The following EIF2B3 variants were observed in gnomAD, a reference collection of about 807,000 sequenced individuals.
EIF2B3 encodes the protein translation initiation factor eIF2B subunit gamma.
A neutral mutation model predicts 54.1 loss-of-function variants in EIF2B3; 20 were observed. The observed-to-expected ratio is 0.37, with a 90% CI of 0.26 to 0.54. EIF2B3 has a LOEUF of 0.54. Ranked by LOEUF, EIF2B3 falls within the 20% of genes least tolerant of loss-of-function variation. The probability of loss-of-function intolerance (pLI) is 0.86; values close to 1 mark genes in which losing one functional copy is unlikely to be tolerated. For missense variants in EIF2B3, 448 were observed against 547.8 expected, an observed-to-expected ratio of 0.82 and a Z score of 1.82; for synonymous variants, 153 against 188.1, an observed-to-expected ratio of 0.81 and a Z score of 1.52.
At chr1:44,941,922 T>A (rs1171902144) in intron 3 of EIF2B3, among the ~76,000 whole-genome samples, 8 of 152,152 alleles carry the variant, frequency 5.3e-5, no homozygotes, top group Admixed American at 5.2e-4. Flanking sequence ...GAACCCTAGG[T>A]TCTAAGAAAC....
At chr1:44,948,866 T>G (rs1644131883) in intron 3 of EIF2B3, among the ~76,000 whole-genome samples, 1 of 104,958 alleles carries the variant, frequency 9.5e-6, no homozygotes, top group Non-Finnish European at 2.2e-5. Context: ...TTTCTTTTCT[T>G]TTTTTTTGAG....
intron 5 of EIF2B3, among the ~76,000 whole-genome samples, chr1:44,911,826 T>A (rs1443977087): frequency 1.3e-5 from 2 of 151,310 alleles, no homozygotes; most frequent in African/African-American, 2.4e-5. Context: ...CATCTAGCAT[T>A]AGGTATATCT....
chr1:44,968,881 A>G (rs1230799565), intron 3 of EIF2B3, among the ~76,000 whole-genome samples: 1 of 138,454 alleles, frequency 7.2e-6, no homozygotes, highest in Non-Finnish European at 1.5e-5. Flanking sequence ...AGGTGACAAG[A>G]GCAAAACTCC....
Position 44,984,675 on chromosome 1 carries a change from C to T in EIF2B3, c.-10+1818G>A, listed in dbSNP as rs568984098. Reference sequence around the variant, plus strand: ...TAGCTGTGTGAACTAGGGCAAACTACGTAAATTTTCTATGCCTCAATTTTT... The same window carrying T: ...TAGCTGTGTGAACTAGGGCAAACTATGTAAATTTTCTATGCCTCAATTTTT... On this transcript the variant is annotated intron_variant, in intron 1 of 11. Coordinates refer to ENST00000360403, the MANE Select transcript of EIF2B3 (RefSeq NM_020365.5). 3.6e-4 allele frequency among the ~76,000 whole-genome samples: 54 copies of T among 151,828 alleles called. 1 individual carries two copies. Among genetic ancestry groups the T allele is most frequent in the Admixed American group, 2.4e-3 (36 of 15,208 alleles).
intron 11 of EIF2B3, 64 bp from the exon 12 acceptor site, chr1:44,851,067 T>G: frequency 6.6e-7 from 1 of 1,524,490 alleles, no homozygotes; most frequent in African/African-American, 1.4e-5. Flanking sequence ...CAAACCCAAC[T>G]GCTTTTTTTT....
In EIF2B3 at chr1:44,955,669, GAAA is replaced by G. The variant is rs573054929; in HGVS notation, c.295-14007_295-14005del. Among the ~76,000 whole-genome samples the G allele has an allele frequency of 4.7e-5, 7 of 150,270 alleles. No individual in the cohort carries two copies. In the East Asian group the frequency reaches 1.2e-3, roughly 25 times the overall value. ...ACAAGGAACTTAAACAAATTTATAA[GAAA>G]AAAAAACCCCATCAAAAAGTGGGCA... is the stretch of plus-strand genomic sequence containing the variant. On this transcript the variant is annotated intron_variant, in intron 3 of 11. Transcript: ENST00000360403.
chr1:44,942,394 T>TAC (rs1644036180), intron 3 of EIF2B3, among the ~76,000 whole-genome samples: 1 of 16,784 alleles, frequency 6.0e-5, no homozygotes, highest in African/African-American at 3.5e-4. Flanking sequence ...TATATATATA[T>TAC]ATATATATAT....
chr1:44,867,897 G>A (rs149388496), intron 10 of EIF2B3, among the ~76,000 whole-genome samples: 31 of 150,704 alleles, frequency 2.1e-4, no homozygotes, highest in Non-Finnish European at 3.7e-4. Flanking sequence ...AAAATTTGCC[G>A]TGTAGTGGCA....
chr1:44,910,304 G>A (rs1643486315), intron 5 of EIF2B3, among the ~76,000 whole-genome samples: 1 of 152,104 alleles, frequency 6.6e-6, no homozygotes, highest in African/African-American at 2.4e-5. Context: ...ATTTGCTCAA[G>A]GTCACACAGC....
intron 3 of EIF2B3, among the ~76,000 whole-genome samples, chr1:44,952,222 C>T (rs1644172267): frequency 7.0e-6 from 1 of 141,984 alleles, no homozygotes; most frequent in South Asian, 2.3e-4. Context: ...CTCGGCCTCC[C>T]AAAGTGCTGG....
intron 3 of EIF2B3, among the ~76,000 whole-genome samples, chr1:44,971,437 T>C (rs1353426515): frequency 1.3e-5 from 2 of 152,078 alleles, no homozygotes; most frequent in Non-Finnish European, 2.9e-5. Flanking sequence ...AAATGCCCCT[T>C]TGGAGGTTAC....
chr1:44,913,959 T>C (rs1322874422), intron 5 of EIF2B3, among the ~76,000 whole-genome samples: 1 of 150,014 alleles, frequency 6.7e-6, no homozygotes, highest in Non-Finnish European at 1.5e-5. Flanking sequence ...CCCAAGTAGC[T>C]GGGACTACAG....
At chr1:44,870,167 G>C (rs555413691) in intron 10 of EIF2B3, among the ~76,000 whole-genome samples, 1 of 126,454 alleles carries the variant, frequency 7.9e-6, no homozygotes, top group Non-Finnish European at 1.6e-5. Context: ...GAGAGACCCC[G>C]TCTCAAAAAA....
chr1:44,885,987 C>T (rs568440932), intron 6 of EIF2B3, among the ~76,000 whole-genome samples: 36 of 148,570 alleles, frequency 2.4e-4, no homozygotes, highest in Non-Finnish European at 3.6e-4. Context: ...CCTCGTGATC[C>T]GCCCACCTCA....
chr1:44,963,014 G>A lies in EIF2B3; in HGVS notation c.294+15301C>T, dbSNP rs970107345. Among the ~76,000 whole-genome samples, 58 of 152,066 alleles carry A rather than the reference G, an allele frequency of 3.8e-4. 1 individual carries two copies. Among genetic ancestry groups the A allele is most frequent in the African/African-American group, 1.3e-3 (54 of 41,522 alleles). ...TTTGGGAGGTGAGCAGACTGCTTGA[G>A]CCCAGGAGTTCGAGCCTGGGCACCA... is the stretch of plus-strand genomic sequence containing the variant. On this transcript the variant is annotated intron_variant, in intron 3 of 11. Transcript: ENST00000360403.
At chr1:44,863,666 C>A (rs1006073752) in intron 10 of EIF2B3, among the ~76,000 whole-genome samples, 1 of 152,140 alleles carries the variant, frequency 6.6e-6, no homozygotes, top group Admixed American at 6.6e-5. Context: ...TTCTTTCATC[C>A]CATTTCCTTC....
At chr1:44,976,032 A>T (rs1468937240) in intron 3 of EIF2B3, among the ~76,000 whole-genome samples, 1 of 152,090 alleles carries the variant, frequency 6.6e-6, no homozygotes, top group South Asian at 2.1e-4. Context: ...CCATAGAAGA[A>T]CATCTACACA....
chr1:44,852,990 C>T lies in EIF2B3; in HGVS notation c.1307-1987G>A, dbSNP rs116565151. Among the ~76,000 whole-genome samples the T allele has an allele frequency of 6.6e-3, 1,000 of 152,078 alleles. 7 individuals are homozygous for T. Among genetic ancestry groups the T allele is most frequent in the African/African-American group, 0.02 (849 of 41,468 alleles). On this transcript the variant is annotated intron_variant, in intron 11 of 11. Transcript: ENST00000360403. ...AGAGAAGTTCAGGGAATCATGAAGC[C>T]GGAGAGCTGGACAGTTTACTGATGA...
chr1:44,874,889 G>A (rs953193336), intron 9 of EIF2B3, 63 bp from the exon 10 acceptor site: 1 of 1,599,442 alleles, frequency 6.3e-7, no homozygotes, highest in African/African-American at 1.3e-5. Flanking sequence ...CCACCCTCCA[G>A]ATCCCTCAAG....
Sources: gnomAD v4.1 joint callset for allele counts (sites outside exome capture counted in the v4.1 genomes callset) on GRCh38, gnomAD v4.1.1 for gene constraint, MANE v1.5 for transcripts, NCBI Gene and HGNC (gene_info 2026-07-23, HGNC 2026-07-21) for gene names.